The following CASP6 variants were observed in gnomAD, a reference collection of about 807,000 sequenced individuals.
CASP6 encodes caspase 6, also known as caspase-6.
In CASP6, 20 loss-of-function variants were observed where a neutral mutation model predicts 31.8. The ratio of observed to expected loss-of-function variants is 0.63; its 90% CI spans 0.44 to 0.91. CASP6 has a LOEUF of 0.91. Among genes scored for constraint, CASP6 ranks in the 40% least tolerant of loss-of-function variants. The probability of loss-of-function intolerance (pLI) is 0.00; values close to 1 mark genes in which losing one functional copy is unlikely to be tolerated. For synonymous variants in CASP6, 130 were observed against 127.8 expected (o/e 1.02, Z -0.12); for missense variants, 328 against 361.1 (o/e 0.91, Z 0.74).
At chr4:109,667,679 C>T in the CASP6 span, among the ~76,000 whole-genome samples, 1 of 149,630 alleles carries the variant, frequency 6.7e-6, no homozygotes, top group African/African-American at 2.4e-5. Context: ...TATTTATTAT[C>T]TCTTTTCTTC....
the CASP6 span, chr4:109,683,092 C>A: frequency 6.3e-6 from 1 of 158,680 alleles, no homozygotes; most frequent in Non-Finnish European, 1.4e-5. Context: ...GTCCTACCTC[C>A]CTTTCCTTTT....
chr4:109,705,717 C>T (rs540127260), upstream of CASP6, among the ~76,000 whole-genome samples: 1 of 151,568 alleles, frequency 6.6e-6, no homozygotes, highest in African/African-American at 2.4e-5. Context: ...GTGGCTCATG[C>T]CTGTAAACCC....
upstream of CASP6, among the ~76,000 whole-genome samples, chr4:109,707,097 T>C (rs893579833): frequency 1.3e-5 from 2 of 152,230 alleles, no homozygotes; most frequent in African/African-American, 4.8e-5. Flanking sequence ...AATTAAGGTA[T>C]ATACATTATT....
the CASP6 span, among the ~76,000 whole-genome samples, chr4:109,672,522 A>G: frequency 1.3e-5 from 2 of 152,234 alleles, no homozygotes; most frequent in African/African-American, 4.8e-5. Context: ...TGTTAAGGGT[A>G]GGAGGAAGAA....
At chr4:109,681,092 G>T in the CASP6 span, among the ~76,000 whole-genome samples, 1 of 152,164 alleles carries the variant, frequency 6.6e-6, no homozygotes, top group Non-Finnish European at 1.5e-5. Flanking sequence ...GGACCCCTGT[G>T]ATAAGAGAGA....
the CASP6 span, among the ~76,000 whole-genome samples, chr4:109,677,093 A>C: frequency 1.3e-5 from 2 of 152,260 alleles, no homozygotes; most frequent in East Asian, 3.8e-4. Flanking sequence ...CCCCTGCCTT[A>C]GTGTATCCAC....
rs753243548 is a variant in CASP6 at position 109,690,988 on chromosome 4, C to A, written c.505G>T (p.Asp169Tyr). 6.2e-7 allele frequency: 1 copy of A among 1,611,492 alleles called. No individual in the cohort carries two copies. Among genetic ancestry groups the A allele is most frequent in the Non-Finnish European group, 8.5e-7 (1 of 1,178,996 alleles). ...ACATCCAAAGGAATGACTGGCACATCGTGCTGGTTTCCCCGACATGCCTAC... is the reference window on the plus strand; with the variant it reads ...ACATCCAAAGGAATGACTGGCACATAGTGCTGGTTTCCCCGACATGCCTAC... The part of the protein sequence containing the change: ...IIQACRGNQH[D>Y]VPVIPLDVVD... Residue 169 changes from aspartate (D) to tyrosine (Y), a missense_variant, in exon 6 of 7, where the codon GAT becomes TAT. Transcript: ENST00000265164.
the CASP6 span, chr4:109,673,878 T>A: frequency 1.3e-6 from 1 of 772,722 alleles, no homozygotes; most frequent in Non-Finnish European, 2.4e-6. Flanking sequence ...TTCCTTCATA[T>A]GAGGAATATC....
chr4:109,682,563 C>G, the CASP6 span: 1 of 1,588,600 alleles, frequency 6.3e-7, no homozygotes, highest in Non-Finnish European at 8.6e-7. Flanking sequence ...TGGCTTGTTT[C>G]CCTTGTGTCT....
chr4:109,673,342 A>C, the CASP6 span, among the ~76,000 whole-genome samples: 1 of 152,170 alleles, frequency 6.6e-6, no homozygotes, highest in Non-Finnish European at 1.5e-5. Context: ...CCTTAGGTCT[A>C]AGTGGGATAA....
chr4:109,693,386 T>C (rs1016534127), intron 5 of CASP6, among the ~76,000 whole-genome samples: 3 of 152,250 alleles, frequency 2.0e-5, no homozygotes, highest in Non-Finnish European at 4.4e-5. Context: ...CAGGTTTCTC[T>C]TTTGTAGTTC....
intron 5 of CASP6, among the ~76,000 whole-genome samples, chr4:109,693,029 C>T (rs1409875781): frequency 6.6e-6 from 1 of 152,148 alleles, no homozygotes; most frequent in Non-Finnish European, 1.5e-5. Context: ...GGTTTAGCAT[C>T]ATCCTCTTGG....
chr4:109,706,168 T>TAC (rs1554022991), upstream of CASP6, among the ~76,000 whole-genome samples: 672 of 92,468 alleles, frequency 7.3e-3, 17 homozygotes, highest in East Asian at 0.032. Context: ...TATATATATA[T>TAC]ATACACACAC....
At chr4:109,671,404 A>C in the CASP6 span, among the ~76,000 whole-genome samples, 1 of 151,996 alleles carries the variant, frequency 6.6e-6, no homozygotes, top group Non-Finnish European at 1.5e-5. Context: ...ATATTTTGTT[A>C]GGTTTTTTTT....
At chr4:109,704,464 A>T (rs1730537419), upstream of CASP6, among the ~76,000 whole-genome samples, 2 of 152,244 alleles carry the variant, frequency 1.3e-5, no homozygotes, top group African/African-American at 4.8e-5. Context: ...AAACAGCCAC[A>T]ACATTCCCTT....
At chr4:109,678,778 A>G in the CASP6 span, among the ~76,000 whole-genome samples, 2 of 139,756 alleles carry the variant, frequency 1.4e-5, no homozygotes, top group African/African-American at 5.5e-5. Flanking sequence ...CTCACTTCCC[A>G]GACGATGGGT....
At chr4:109,685,224 T>A (rs1175689501), downstream of CASP6, 8 of 918,018 alleles carry the variant, frequency 8.7e-6, no homozygotes, top group South Asian at 1.1e-4. Flanking sequence ...AACATGTTGT[T>A]TTCTTCTCTC....
Position 109,696,451 on chromosome 4 carries a change from T to C in CASP6, c.266A>G (p.Asn89Ser). The C allele has an allele frequency of 1.2e-6, 2 of 1,612,870 alleles. No individual in the cohort carries two copies. Among genetic ancestry groups the C allele is most frequent in the South Asian group, 1.1e-5 (1 of 90,994 alleles). Residue 89 changes from asparagine (N) to serine (S), a missense_variant, in exon 4 of 7, where the codon AAT (asparagine) becomes AGT (serine). Coordinates refer to ENST00000265164, the MANE Select transcript of CASP6 (RefSeq NM_001226.4). ...SDLGFEVKCFNDLKAEELLLK... is the reference protein window; with the variant it reads ...SDLGFEVKCFSDLKAEELLLK... ...CAGTAGTTCTTCTGCTTTAAGATCA[T>C]TAAAGCATTTCACTTCAAATCCTAG...
At chr4:109,666,881 T>C in the CASP6 span, among the ~76,000 whole-genome samples, 1 of 152,214 alleles carries the variant, frequency 6.6e-6, no homozygotes, top group Admixed American at 6.6e-5. Flanking sequence ...TCTGTTGATA[T>C]GATGGATTAC....
Sources: allele counts gnomAD v4.1 joint callset (sites outside exome capture counted in the v4.1 genomes callset), GRCh38; gene constraint gnomAD v4.1.1; transcripts MANE v1.5; gene names NCBI Gene and HGNC (gene_info 2026-07-23, HGNC 2026-07-21).